ALKBH8: variants seen among roughly 807,000 people sequenced by gnomAD.
ALKBH8 encodes alkB homolog 8, tRNA methyltransferase, also known as tRNA (carboxymethyluridine(34)-5-O)-methyltransferase ALKBH8.
A neutral mutation model predicts 59.8 loss-of-function variants in ALKBH8; 36 were observed. The observed-to-expected ratio is 0.60, with a 90% CI of 0.46 to 0.79. ALKBH8 has a LOEUF of 0.79. ALKBH8 is among the 30% of genes least tolerant of loss of function. The pLI, the probability that ALKBH8 is intolerant of heterozygous loss-of-function variation, is 0.00. For missense variants in ALKBH8, 768 were observed against 801.0 expected (o/e 0.96, Z 0.50); for synonymous variants, 276 against 273.6 (o/e 1.01, Z -0.09).
intron 10 of ALKBH8, among the ~76,000 whole-genome samples, chr11:107,514,146 T>G (rs1862757848): frequency 6.6e-6 from 1 of 152,158 alleles, no homozygotes; most frequent in South Asian, 2.1e-4. Context: ...CAGTGAAGAA[T>G]GTAATATTGT....
At chr11:107,548,908 T>G (rs1864379069) in intron 7 of ALKBH8, among the ~76,000 whole-genome samples, 1 of 151,824 alleles carries the variant, frequency 6.6e-6, no homozygotes. Flanking sequence ...TGGAGTGCAG[T>G]GGCGCAATCT....
chr11:107,551,933 G>C lies in ALKBH8; in HGVS notation c.596-21C>G, dbSNP rs775424120. 20 of 1,329,526 alleles carry C rather than the reference G, an allele frequency of 1.5e-5. No homozygotes were observed. In the South Asian group the frequency reaches 3.2e-4, roughly 21 times the overall value. 82.4% of individuals were successfully genotyped at this position (1,329,526 alleles called of 1,614,324 possible). On this transcript the variant is annotated intron_variant, in intron 5 of 11. Coordinates refer to ENST00000428149, the MANE Select transcript of ALKBH8 (RefSeq NM_138775.3). ...AAGACCTACAATGAGTAATCATAAA[G>C]ACAAAACATTAAAATATTTACTTTG...
At position 107,504,517 on chromosome 11, in the gene ALKBH8, T is replaced by A; in HGVS notation, c.*141A>T. ...AGACATTTGAATGTCTCCTAATGAA[T>A]CCCTACTTCCAAATTTTTCTCAGCT... On this transcript the variant is annotated 3_prime_UTR_variant, in exon 12 of 12. Coordinates refer to ENST00000428149, the MANE Select transcript of ALKBH8 (RefSeq NM_138775.3). The A allele has an allele frequency of 9.9e-7, 1 of 1,010,730 alleles. No individual in the cohort carries two copies. Among genetic ancestry groups the A allele is most frequent in the South Asian group, 1.4e-5 (1 of 73,346 alleles). The allele number at this position is 1,010,730 out of a possible 1,614,324, so 62.6% of individuals were successfully genotyped here. A position where few individuals can be genotyped will look rare whatever the true frequency, so the allele number is the denominator to read the frequency against.
In ALKBH8 at chr11:107,525,396, T is replaced by G. The variant is rs1370350885; in HGVS notation, c.1030+45A>C. On this transcript the variant is annotated intron_variant, in intron 9 of 11. Coordinates refer to ENST00000428149, the MANE Select transcript of ALKBH8 (RefSeq NM_138775.3). ...GACAGGACCTTAAAGGACTTTTATATTAAACTGACTCCATTTTACAGACGA... is the reference window on the plus strand; with the variant it reads ...GACAGGACCTTAAAGGACTTTTATAGTAAACTGACTCCATTTTACAGACGA... 4.7e-6 allele frequency: 7 copies of G among 1,488,220 alleles called. No individual in the cohort carries two copies. In the African/African-American group the frequency reaches 1.0e-4, roughly 22 times the overall value. 92.2% of individuals were successfully genotyped at this position (1,488,220 alleles called of 1,614,324 possible). A position where few individuals can be genotyped will look rare whatever the true frequency, so the allele number is the denominator to read the frequency against.
Position 107,553,980 on chromosome 11 carries a change from T to TA in ALKBH8, c.368-3dup, listed in dbSNP as rs1417753909. The TA allele has an allele frequency of 6.2e-7, 1 of 1,613,252 alleles. No individual in the cohort carries two copies. Among genetic ancestry groups the TA allele is most frequent in the South Asian group, 1.1e-5 (1 of 90,884 alleles). On this transcript the variant is annotated splice_region_variant and splice_polypyrimidine_tract_variant and intron_variant, in intron 3 of 11. Transcript: ENST00000428149. ...GAGGCCTCAACTCCTTCCACTGCAC[T>TA]ATGGGAAACCAAATTAAAATAGTCA...
chr11:107,511,607 G>A lies in ALKBH8; in HGVS notation c.1288-571C>T, dbSNP rs1008672972. 4.6e-5 allele frequency among the ~76,000 whole-genome samples: 7 copies of A among 151,834 alleles called. No homozygotes were observed. In the East Asian group the frequency reaches 7.7e-4, roughly 17 times the overall value. On this transcript the variant is annotated intron_variant, in intron 10 of 11. Coordinates refer to ENST00000428149, the MANE Select transcript of ALKBH8 (RefSeq NM_138775.3). Reference sequence around the variant, plus strand: ...TAATTTTTTTTTGAGATGGAGTTTCGCTCTTGTTGCCCAGGCTGGAGTGCA... The same window carrying A: ...TAATTTTTTTTTGAGATGGAGTTTCACTCTTGTTGCCCAGGCTGGAGTGCA...
intron 1 of ALKBH8, among the ~76,000 whole-genome samples, chr11:107,562,207 G>A (rs530583062): frequency 3.3e-4 from 50 of 151,718 alleles, no homozygotes; most frequent in Admixed American, 1.2e-3. Context: ...GCTGAGGCAC[G>A]AGAATCGCTT....
chr11:107,531,604 G>A (rs527281158), intron 8 of ALKBH8, among the ~76,000 whole-genome samples: 108 of 152,254 alleles, frequency 7.1e-4, no homozygotes, highest in Middle Eastern at 3.4e-3. Flanking sequence ...CATACAACTA[G>A]CAATATTTGA....
intron 2 of ALKBH8, 128 bp downstream of exon 2, chr11:107,560,637 T>C: frequency 2.4e-6 from 2 of 847,580 alleles, no homozygotes; most frequent in South Asian, 2.8e-5. Context: ...ATATCATATG[T>C]ACCTCTAATA....
At chr11:107,519,671 A>T (rs2135493663) in intron 10 of ALKBH8, among the ~76,000 whole-genome samples, 1 of 152,328 alleles carries the variant, frequency 6.6e-6, no homozygotes, top group South Asian at 2.1e-4. Context: ...TGAAAATCCA[A>T]AATCTGAAAT....
intron 2 of ALKBH8, 70 bp downstream of exon 2, chr11:107,560,695 C>A (rs1864898881): frequency 3.6e-6 from 5 of 1,406,786 alleles, no homozygotes; most frequent in Non-Finnish European, 4.8e-6. Flanking sequence ...CAATTATTAG[C>A]AAATATTAAT....
intron 3 of ALKBH8, among the ~76,000 whole-genome samples, chr11:107,556,491 G>A (rs118135177): frequency 2.6e-5 from 4 of 152,278 alleles, no homozygotes; most frequent in Non-Finnish European, 5.9e-5. Context: ...AATTAGGCAG[G>A]AGGGTTCCAA....
Position 107,543,365 on chromosome 11 carries a change from G to A in ALKBH8, c.771+6388C>T, listed in dbSNP as rs544346045. Among the ~76,000 whole-genome samples, 4 of 152,268 alleles carry A rather than the reference G, an allele frequency of 2.6e-5. No homozygotes were observed. The South Asian group carries it at 8.3e-4, about 32-fold the overall frequency. On this transcript the variant is annotated intron_variant, in intron 7 of 11. Coordinates refer to ENST00000428149, the MANE Select transcript of ALKBH8 (RefSeq NM_138775.3). ...AAAAAGAAGAATGTTAGATATTCAG[G>A]TCTAATATCTGAGGGGAAAAAAATC...
At position 107,508,412 on chromosome 11, in the gene ALKBH8, A is replaced by G. The variant is rs35177787; in HGVS notation, c.1437+2475T>C. Among the ~76,000 whole-genome samples, 1,440 of 152,252 alleles carry G rather than the reference A, an allele frequency of 9.5e-3. 11 individuals carry two copies. The highest frequency in any genetic ancestry group is 0.015 in the Non-Finnish European group (1,017 of 68,016). On this transcript the variant is annotated intron_variant, in intron 11 of 11. Transcript: ENST00000428149. ...GGTCTCAGACTCCTGACCTCAAGTG[A>G]TCCACTCGCTTTGTCCTTCCAAAGC...
intron 11 of ALKBH8, among the ~76,000 whole-genome samples, chr11:107,506,394 G>A (rs762757503): frequency 5.3e-5 from 8 of 150,946 alleles, no homozygotes; most frequent in Non-Finnish European, 1.0e-4. Context: ...GAGGACCAAA[G>A]GACTGAAAAA....
chr11:107,519,047 C>T (rs965050792), intron 10 of ALKBH8, among the ~76,000 whole-genome samples: 6 of 152,124 alleles, frequency 3.9e-5, no homozygotes, highest in Non-Finnish European at 8.8e-5. Flanking sequence ...TCAAGCGATC[C>T]TCCCTCATCA....
chr11:107,510,989 C>T lies in ALKBH8; in HGVS notation c.1335G>A (p.Arg445=). ...CATCACAGACAAAAGCCTGAAATTG[C>T]CTCTCTCTACAAATGTCCACAAGGT... ...SQNLVDICRE[R]QFQAFVCDAL... The change falls in exon 11 of 12, where the codon AGG becomes AGA. Residue 445 remains arginine (R), a synonymous_variant. Transcript: ENST00000428149. 6.4e-7 allele frequency: 1 copy of T among 1,551,942 alleles called. No individual in the cohort carries two copies. Among genetic ancestry groups the T allele is most frequent in the Non-Finnish European group, 8.7e-7 (1 of 1,146,988 alleles).
intron 6 of ALKBH8, among the ~76,000 whole-genome samples, chr11:107,551,262 A>G (rs946604187): frequency 2.0e-5 from 3 of 152,246 alleles, no homozygotes; most frequent in African/African-American, 7.2e-5. Flanking sequence ...AATCACAAAC[A>G]GTGATTTGTA....
chr11:107,530,209 G>A (rs760634083), intron 8 of ALKBH8, among the ~76,000 whole-genome samples: 12 of 152,098 alleles, frequency 7.9e-5, no homozygotes, highest in Non-Finnish European at 1.5e-4. Flanking sequence ...TATGCTGCCC[G>A]TCTTCCACCT....
Sources: gnomAD v4.1 joint callset for allele counts (sites outside exome capture counted in the v4.1 genomes callset) on GRCh38, gnomAD v4.1.1 for gene constraint, MANE v1.5 for transcripts, NCBI Gene and HGNC (gene_info 2026-07-23, HGNC 2026-07-21) for gene names.